Variants in PTPN1 observed in about 807,000 individuals in gnomAD.
PTPN1 encodes tyrosine-protein phosphatase non-receptor type 1.
PTPN1 carries 12 observed loss-of-function variants against 59.9 expected under a neutral mutation model. The ratio of observed to expected loss-of-function variants is 0.20; its 90% CI spans 0.13 to 0.32. The LOEUF (loss-of-function observed/expected upper bound fraction) is 0.32. Among genes scored for constraint, PTPN1 ranks in the 10% least tolerant of loss-of-function variants. The probability of loss-of-function intolerance (pLI) is 1.00; values close to 1 mark genes in which losing one functional copy is unlikely to be tolerated. For synonymous variants in PTPN1, 178 were observed against 203.6 expected (o/e 0.87, Z 1.07); for missense variants, 356 against 549.2 (o/e 0.65, Z 3.52).
intron 4 of PTPN1, chr20:50,572,642 C>T (rs935660681): frequency 2.0e-5 from 3 of 152,204 alleles, no homozygotes; most frequent in Non-Finnish European, 4.4e-5. Flanking sequence ...GCTTCCTTCT[C>T]TGTCTGCTCA....
In PTPN1 at chr20:50,578,728, CAG is replaced by C; in HGVS notation, c.702+103_702+104del. 5.2e-6 allele frequency: 5 copies of C among 959,168 alleles called. No individual in the cohort carries two copies. The South Asian group carries it at 8.2e-5, about 16-fold the overall frequency. 59.4% of individuals were successfully genotyped at this position (959,168 alleles called of 1,614,324 possible). A position where few individuals can be genotyped will look rare whatever the true frequency, so the allele number is the denominator to read the frequency against. ...ACTGAAGCGCTCCTCTTCCAAAATA[CAG>C]AGACTCACTGTGTTAGTCTGTTTTT... On this transcript the variant is annotated intron_variant, in intron 6 of 9. Transcript: ENST00000371621.
intron 8 of PTPN1, 69 bp from the exon 9 acceptor site, chr20:50,581,196 C>A: frequency 6.6e-7 from 1 of 1,520,258 alleles, no homozygotes; most frequent in Non-Finnish European, 8.9e-7. Context: ...ATTCCTGCCA[C>A]AATAGCAGCA....
chr20:50,537,629 T>C (rs1429681576), intron 1 of PTPN1, among the ~76,000 whole-genome samples: 1 of 152,208 alleles, frequency 6.6e-6, no homozygotes, highest in Non-Finnish European at 1.5e-5. Flanking sequence ...TAATCATATC[T>C]CCGTCATACC....
intron 1 of PTPN1, among the ~76,000 whole-genome samples, chr20:50,513,701 G>C (rs1437738024): frequency 6.6e-6 from 1 of 152,150 alleles, no homozygotes; most frequent in Admixed American, 6.5e-5. Flanking sequence ...TCTAATGCCT[G>C]ACTAGGTTAA....
chr20:50,554,192 G>A (rs1191935216), intron 1 of PTPN1, among the ~76,000 whole-genome samples: 3 of 152,068 alleles, frequency 2.0e-5, no homozygotes, highest in Non-Finnish European at 4.4e-5. Context: ...ATCTGCTTGG[G>A]CAACATAGCC....
intron 1 of PTPN1, among the ~76,000 whole-genome samples, chr20:50,521,490 A>C (rs1053356166): frequency 2.0e-5 from 3 of 152,256 alleles, no homozygotes; most frequent in Non-Finnish European, 4.4e-5. Flanking sequence ...TCCTGGATTC[A>C]GCTTCACAAT....
chr20:50,549,881 A>G (rs1162347093), intron 1 of PTPN1, among the ~76,000 whole-genome samples: 2 of 152,208 alleles, frequency 1.3e-5, no homozygotes, highest in Non-Finnish European at 2.9e-5. Flanking sequence ...TCGTTTCATT[A>G]ACTTTCATAT....
intron 1 of PTPN1, among the ~76,000 whole-genome samples, chr20:50,538,799 T>C (rs1307647839): frequency 2.6e-5 from 4 of 152,190 alleles, no homozygotes; most frequent in African/African-American, 9.6e-5. Context: ...AGTTAGCTAA[T>C]ATTCATTTCT....
intron 1 of PTPN1, among the ~76,000 whole-genome samples, chr20:50,536,855 T>C (rs780294648): frequency 6.6e-6 from 1 of 152,234 alleles, no homozygotes; most frequent in Non-Finnish European, 1.5e-5. Context: ...ATACTTACTT[T>C]TCTATTTTTA....
At position 50,582,712 on chromosome 20, in the gene PTPN1, A is replaced by G. The variant is rs769660255; in HGVS notation, c.1305A>G (p.Thr435=). Residue 435 remains threonine, a synonymous_variant, in exon 10 of 10, where the codon ACA becomes ACG. Transcript: ENST00000371621. This position sits in a 1 kb window ranked among gnomAD's most constrained non-coding sequence, Gnocchi z 4.2. The part of the protein sequence containing the change: ...LCYRFLFNSN[T] ...TCCAGTTCCTGTTCAACAGCAACAC[A>G]TAGCCTGACCCTCCTCCACTCCACC... The G allele has an allele frequency of 5.6e-6, 9 of 1,613,688 alleles. No homozygotes were observed. The East Asian group carries it at 6.7e-5, about 12-fold the overall frequency.
At position 50,584,877 on chromosome 20, in the gene PTPN1, A is replaced by G. The variant is rs1177047574; in HGVS notation, c.*2162A>G. ...CAGATGTTGTCAATCAGCTGGGGTT[A>G]GAGTTTTCCACTTCTAAGAATTAAC... On this transcript the variant is annotated 3_prime_UTR_variant, in exon 10 of 10. Transcript: ENST00000371621. 1 of 152,212 alleles carries G rather than the reference A, an allele frequency of 6.6e-6. No individual in the cohort carries two copies. Among genetic ancestry groups the G allele is most frequent in the East Asian group, 1.9e-4 (1 of 5,198 alleles). 9.4% of individuals were successfully genotyped at this position (152,212 alleles called of 1,614,324 possible).
At position 50,568,620 on chromosome 20, in the gene PTPN1, C is replaced by G. The variant is rs2082790734; in HGVS notation, c.354+142C>G. ...TTTTTATTTAAAAAAATTAAAACAGCAGCATATAAATGCATGTTGGTTGTC... is the reference window on the plus strand; with the variant it reads ...TTTTTATTTAAAAAAATTAAAACAGGAGCATATAAATGCATGTTGGTTGTC... On this transcript the variant is annotated intron_variant, in intron 4 of 9. Transcript: ENST00000371621. This position sits in a 1 kb window ranked among gnomAD's most constrained non-coding sequence, Gnocchi z 5.6. 1 of 686,066 alleles carries G rather than the reference C, an allele frequency of 1.5e-6. No individual in the cohort carries two copies. The highest frequency in any genetic ancestry group is 2.9e-5 in the East Asian group (1 of 34,688). The allele number at this position is 686,066 out of a possible 1,614,324, so 42.5% of individuals were successfully genotyped here.
In PTPN1 at chr20:50,558,961, G is replaced by T. The variant is rs143837256; in HGVS notation, c.64-2402G>T. Among the ~76,000 whole-genome samples the T allele has an allele frequency of 5.7e-3, 865 of 151,540 alleles. 7 individuals are homozygous for T. The highest frequency in any genetic ancestry group is 0.02 in the African/African-American group (819 of 41,246). On this transcript the variant is annotated intron_variant, in intron 1 of 9. Coordinates refer to ENST00000371621, the MANE Select transcript of PTPN1 (RefSeq NM_002827.4). The stretch of plus-strand genomic sequence containing the variant: ...ATTTCATCACTCAGGTGGAAAAGAT[G>T]CTCCAGTGGATTACTGGGAAAAGGG...
intron 1 of PTPN1, 74 bp downstream of exon 1, chr20:50,510,664 C>T: frequency 3.4e-6 from 5 of 1,468,130 alleles, no homozygotes; most frequent in Non-Finnish European, 4.6e-6. Flanking sequence ...CTCCAGGCCC[C>T]AGACTCCCTC....
chr20:50,569,407 GC>G (rs1479845350), intron 4 of PTPN1, among the ~76,000 whole-genome samples: 1 of 152,194 alleles, frequency 6.6e-6, no homozygotes, highest in Non-Finnish European at 1.5e-5. Context: ...CTGGACGGCT[GC>G]CCCCAGCTCC....
intron 1 of PTPN1, among the ~76,000 whole-genome samples, chr20:50,534,376 C>T (rs74533660): frequency 0.05 from 7,604 of 152,228 alleles, 272 homozygotes; most frequent in Non-Finnish European, 0.076. Flanking sequence ...CATTTTTTTA[C>T]CGTGAAAATA....
At chr20:50,526,245 T>G (rs1208103542) in intron 1 of PTPN1, among the ~76,000 whole-genome samples, 1 of 152,168 alleles carries the variant, frequency 6.6e-6, no homozygotes, top group Non-Finnish European at 1.5e-5. Context: ...AATTTTATTT[T>G]TAATGATTTT....
intron 5 of PTPN1, among the ~76,000 whole-genome samples, chr20:50,575,294 G>T (rs964865775): frequency 6.6e-6 from 1 of 152,190 alleles, no homozygotes; most frequent in East Asian, 1.9e-4. Context: ...GCAGCACCTG[G>T]GGGCACCAGT....
intron 1 of PTPN1, among the ~76,000 whole-genome samples, chr20:50,530,618 A>G (rs2082596539): frequency 2.0e-5 from 3 of 151,874 alleles, no homozygotes; most frequent in African/African-American, 7.3e-5. Flanking sequence ...CGGCCTCCCA[A>G]AGTGCTGGGA....
Sources: allele counts gnomAD v4.1 joint callset (sites outside exome capture counted in the v4.1 genomes callset), GRCh38; gene constraint gnomAD v4.1.1; non-coding constraint Gnocchi (gnomAD v3.1); transcripts MANE v1.5; gene names NCBI Gene and HGNC (gene_info 2026-07-23, HGNC 2026-07-21).